OXSR1: variants seen among roughly 807,000 people sequenced by gnomAD.
OXSR1 encodes the protein oxidative stress responsive kinase 1.
OXSR1 carries 24 observed loss-of-function variants against 79.8 expected under a neutral mutation model. The ratio of observed to expected loss-of-function variants is 0.30; its 90% CI spans 0.22 to 0.42. The LOEUF (loss-of-function observed/expected upper bound fraction) is 0.42, where lower values mean the gene tolerates loss of function less well. OXSR1 is among the 10% of genes least tolerant of loss of function. The probability of loss-of-function intolerance (pLI) is 1.00; values close to 1 mark genes in which losing one functional copy is unlikely to be tolerated. For synonymous variants in OXSR1, 226 were observed against 209.2 expected, an observed-to-expected ratio of 1.08 and a Z score of -0.69; for missense variants, 430 against 618.4, an observed-to-expected ratio of 0.70 and a Z score of 3.23.
chr3:38,245,575 G>A (rs1703123439), intron 12 of OXSR1, among the ~76,000 whole-genome samples: 1 of 152,034 alleles, frequency 6.6e-6, no homozygotes, highest in South Asian at 2.1e-4. Flanking sequence ...GCAAAGGAAT[G>A]GAATAGATTT....
At chr3:38,232,560 G>A (rs1039397406) in intron 10 of OXSR1, among the ~76,000 whole-genome samples, 1 of 152,024 alleles carries the variant, frequency 6.6e-6, no homozygotes, top group East Asian at 1.9e-4. Context: ...TTCAAAACCA[G>A]CCTGGGCAAC....
At chr3:38,192,571 C>T (rs768642289) in intron 3 of OXSR1, among the ~76,000 whole-genome samples, 2 of 152,106 alleles carry the variant, frequency 1.3e-5, no homozygotes, top group African/African-American at 4.8e-5. Flanking sequence ...AATCTTGGTA[C>T]GCAATATTAA....
At chr3:38,207,623 A>G (rs1328463257) in intron 4 of OXSR1, among the ~76,000 whole-genome samples, 1 of 152,116 alleles carries the variant, frequency 6.6e-6, no homozygotes, top group African/African-American at 2.4e-5. Flanking sequence ...AATTTATCCT[A>G]TCATGTCCAG....
In OXSR1 at chr3:38,252,404, T is replaced by G. The variant is rs751156928; in HGVS notation, c.1509+12T>G. On this transcript the variant is annotated intron_variant, in intron 17 of 17. Coordinates refer to ENST00000311806, the MANE Select transcript of OXSR1 (RefSeq NM_005109.3). The stretch of plus-strand genomic sequence containing the variant: ...TCACTTTCAAACTGGTACTCATCCC[T>G]TCTTCCTTGTGAAAACATCTTGCCT... 6.3e-7 allele frequency: 1 copy of G among 1,591,166 alleles called. No individual in the cohort carries two copies. Among genetic ancestry groups the G allele is most frequent in the African/African-American group, 1.3e-5 (1 of 74,500 alleles).
chr3:38,223,513 G>A (rs1702629725), intron 6 of OXSR1, among the ~76,000 whole-genome samples: 1 of 150,746 alleles, frequency 6.6e-6, no homozygotes, highest in Non-Finnish European at 1.5e-5. Context: ...CATGATCTCA[G>A]TTCACCGCAA....
intron 10 of OXSR1, 146 bp downstream of exon 10, chr3:38,230,576 T>A: frequency 1.6e-6 from 1 of 611,624 alleles, no homozygotes; most frequent in Non-Finnish European, 3.0e-6. Flanking sequence ...ATACATTCAT[T>A]CAGCAAATAT....
At chr3:38,199,000 TA>T in intron 4 of OXSR1, 137 bp downstream of exon 4, 1 of 611,084 alleles carries the variant, frequency 1.6e-6, no homozygotes, top group Non-Finnish European at 2.8e-6. Context: ...GAGTCTTAAT[TA>T]TACAGCTAGT....
At chr3:38,222,462 G>GCTAGGAGA (rs1559518865) in intron 6 of OXSR1, among the ~76,000 whole-genome samples, 1 of 152,108 alleles carries the variant, frequency 6.6e-6, no homozygotes, top group East Asian at 1.9e-4. Flanking sequence ...GGATTGTTGG[G>GCTAGGAGA]CTAGGAGACA....
In OXSR1 at chr3:38,198,917, C is replaced by T. The variant is rs1219520875; in HGVS notation, c.434+54C>T. The T allele has an allele frequency of 4.1e-6, 6 of 1,480,382 alleles. No individual in the cohort carries two copies. The African/African-American group carries it at 4.2e-5, about 10-fold the overall frequency. 91.7% of individuals were successfully genotyped at this position (1,480,382 alleles called of 1,614,324 possible). A position where few individuals can be genotyped will look rare whatever the true frequency, so the allele number is the denominator to read the frequency against. ...CATCATCTCATTAAGGCCATTCCCA[C>T]TCTTTTACAGAATCGTGATCTCTGA... On this transcript the variant is annotated intron_variant, in intron 4 of 17. Transcript: ENST00000311806.
intron 4 of OXSR1, among the ~76,000 whole-genome samples, chr3:38,210,032 G>A (rs1702353440): frequency 6.6e-6 from 1 of 151,602 alleles, no homozygotes; most frequent in Non-Finnish European, 1.5e-5. Context: ...TAATTTTGCT[G>A]GATACAGGAT....
intron 5 of OXSR1, among the ~76,000 whole-genome samples, chr3:38,217,719 G>A (rs1702511198): frequency 6.6e-6 from 1 of 152,030 alleles, no homozygotes; most frequent in African/African-American, 2.4e-5. Flanking sequence ...TAGAGACAGT[G>A]TTTCTCCATG....
rs35872677 is a variant in OXSR1, at chr3:38,215,961, C to G, written c.435-135C>G. 2.3e-3 allele frequency: 1,472 copies of G among 645,470 alleles called. 21 individuals are homozygous for G. The African/African-American group carries it at 0.025, about 11-fold the overall frequency. The allele number at this position is 645,470 out of a possible 1,614,324, so 40.0% of individuals were successfully genotyped here. On this transcript the variant is annotated intron_variant, in intron 4 of 17. Coordinates refer to ENST00000311806, the MANE Select transcript of OXSR1 (RefSeq NM_005109.3). ...CAGTGACAACAATTTTACTATTAGT[C>G]TTAATATCCTTTAATATAAAATAGG...
intron 10 of OXSR1, among the ~76,000 whole-genome samples, chr3:38,231,898 G>T (rs540128008): frequency 2.6e-5 from 4 of 152,118 alleles, no homozygotes; most frequent in African/African-American, 9.7e-5. Context: ...CTTGAGGCCA[G>T]GAGTTCAAGA....
At chr3:38,213,771 A>C (rs1702432443) in intron 4 of OXSR1, among the ~76,000 whole-genome samples, 2 of 152,324 alleles carry the variant, frequency 1.3e-5, no homozygotes, top group South Asian at 4.1e-4. Context: ...CCTGGTCCAA[A>C]GGGAATCACT....
intron 1 of OXSR1, among the ~76,000 whole-genome samples, chr3:38,175,957 C>G (rs1488035936): frequency 6.6e-6 from 1 of 152,136 alleles, no homozygotes; most frequent in African/African-American, 2.4e-5. Flanking sequence ...TGTTGGTATT[C>G]AGATTAGGCC....
rs1466832659 is a variant in OXSR1 at position 38,165,546 on chromosome 3, GTGGGGC to G, written c.-325_-320del. On this transcript the variant is annotated 5_prime_UTR_variant, in exon 1 of 18. Transcript: ENST00000311806. The stretch of plus-strand genomic sequence containing the variant: ...GAAGAGGGGAAAGTTTGGCCCGTGC[GTGGGGC>G]TGGGGTGGAGGGCGGGACAGAGGGG... The G allele has an allele frequency of 3.0e-6, 1 of 328,796 alleles. No homozygotes were observed. Among genetic ancestry groups the G allele is most frequent in the Non-Finnish European group, 5.6e-6 (1 of 179,660 alleles). 20.4% of individuals were successfully genotyped at this position (328,796 alleles called of 1,614,324 possible).
intron 1 of OXSR1, among the ~76,000 whole-genome samples, chr3:38,173,682 C>A (rs928819486): frequency 6.6e-6 from 1 of 152,122 alleles, no homozygotes; most frequent in African/African-American, 2.4e-5. Flanking sequence ...TGTGTTCTGC[C>A]CCAAACAAGA....
intron 10 of OXSR1, among the ~76,000 whole-genome samples, chr3:38,234,486 T>G (rs922598425): frequency 2.0e-5 from 3 of 152,098 alleles, no homozygotes; most frequent in Non-Finnish European, 4.4e-5. Flanking sequence ...AATAAACACA[T>G]GAAAAGATAC....
At chr3:38,213,448 G>A (rs1218402806) in intron 4 of OXSR1, among the ~76,000 whole-genome samples, 1 of 152,148 alleles carries the variant, frequency 6.6e-6, no homozygotes, top group Admixed American at 6.6e-5. Context: ...ACCAAAAGGA[G>A]CCTAAGGAGA....
Sources: allele counts gnomAD v4.1 joint callset (sites outside exome capture counted in the v4.1 genomes callset), GRCh38; gene constraint gnomAD v4.1.1; transcripts MANE v1.5; gene names NCBI Gene and HGNC (gene_info 2026-07-23, HGNC 2026-07-21).